PTDSS1: variants seen among roughly 807,000 people sequenced by gnomAD.
PTDSS1 encodes the protein PSS-1.
In PTDSS1, 45 loss-of-function variants were observed where a neutral mutation model predicts 70.5. The ratio of observed to expected loss-of-function variants is 0.64; its 90% confidence interval spans 0.50 to 0.82. The LOEUF (loss-of-function observed/expected upper bound fraction) is 0.82. Among genes scored for constraint, PTDSS1 ranks in the 40% least tolerant of loss-of-function variants. PTDSS1 has a pLI of 0.00. For missense variants in PTDSS1, 417 were observed against 586.1 expected (o/e 0.71, Z 2.98); for synonymous variants, 188 against 203.8 (o/e 0.92, Z 0.66).
At position 96,320,242 on chromosome 8, in the gene PTDSS1, T is replaced by G; in HGVS notation, c.1074-4T>G. On this transcript the variant is annotated splice_region_variant and splice_polypyrimidine_tract_variant and intron_variant, in intron 9 of 12. Transcript: ENST00000517309. ...TACTTAACCTCTGTTCTCTGTCTAA[T>G]TAGGGTCATTGGTTTCCTGGAGGCC... 1 of 1,592,244 alleles carries G rather than the reference T, an allele frequency of 6.3e-7. No individual in the cohort carries two copies. The highest frequency in any genetic ancestry group is 1.3e-5 in the African/African-American group (1 of 74,538).
At chr8:96,325,308 T>A (rs1811423611) in intron 10 of PTDSS1, among the ~76,000 whole-genome samples, 1 of 152,186 alleles carries the variant, frequency 6.6e-6, no homozygotes, top group Admixed American at 6.5e-5. Context: ...TGAGTTCAGA[T>A]GGCAATTAGA....
intron 10 of PTDSS1, among the ~76,000 whole-genome samples, chr8:96,322,668 C>T (rs948568146): frequency 6.6e-6 from 1 of 152,160 alleles, no homozygotes; most frequent in Non-Finnish European, 1.5e-5. Flanking sequence ...GCATTCCACC[C>T]CTGACCCCCG....
intron 4 of PTDSS1, among the ~76,000 whole-genome samples, chr8:96,287,839 C>T (rs1810845963): frequency 6.6e-6 from 1 of 152,170 alleles, no homozygotes; most frequent in African/African-American, 2.4e-5. Flanking sequence ...AACTATTTTT[C>T]TCTTCACTGA....
intron 9 of PTDSS1, among the ~76,000 whole-genome samples, chr8:96,311,669 A>T (rs1586203220): frequency 6.6e-6 from 1 of 152,110 alleles, no homozygotes; most frequent in Non-Finnish European, 1.5e-5. Flanking sequence ...GGCCATTGTC[A>T]TTTGTTTCTC....
At chr8:96,310,353 C>T (rs1014286672) in intron 9 of PTDSS1, among the ~76,000 whole-genome samples, 35 of 151,544 alleles carry the variant, frequency 2.3e-4, no homozygotes, top group African/African-American at 7.5e-4. Context: ...TCAGTAGAGA[C>T]GGGGTTTCAC....
chr8:96,283,462 T>A (rs1446410315), intron 2 of PTDSS1: 1 of 152,258 alleles, frequency 6.6e-6, no homozygotes, highest in East Asian at 1.9e-4. Flanking sequence ...AGGGAAAGTT[T>A]TGTCCTATGA....
In PTDSS1 at chr8:96,304,173, A is replaced by T; in HGVS notation, c.886A>T (p.Ile296Phe). The T allele has an allele frequency of 6.3e-7, 1 of 1,599,956 alleles. No individual in the cohort carries two copies. Among genetic ancestry groups the T allele is most frequent in the Non-Finnish European group, 8.5e-7 (1 of 1,176,662 alleles). Reference sequence around the variant, plus strand: ...AGCTGGAGTGTACCTTTTCATGATCATCTGGCAGGTATTTTTTCAGATGCC... The same window carrying T: ...AGCTGGAGTGTACCTTTTCATGATCTTCTGGCAGGTATTTTTTCAGATGCC... ...RVAGVYLFMI[I>F]WQLTELNTFF... is the part of the protein sequence containing the mutation. The change falls in exon 7 of 13, where the codon ATC becomes TTC. Residue 296 changes from isoleucine (I) to phenylalanine (F), a missense_variant. Ile to Phe is a conservative substitution (Grantham distance 21). Transcript: ENST00000517309.
chr8:96,282,480 A>G (rs1586187726), intron 2 of PTDSS1, among the ~76,000 whole-genome samples: 1 of 152,208 alleles, frequency 6.6e-6, no homozygotes, highest in East Asian at 1.9e-4. Flanking sequence ...TGAATTTTCA[A>G]TAAACCCCTA....
chr8:96,307,874 A>G (rs950289094), intron 8 of PTDSS1, among the ~76,000 whole-genome samples: 2 of 152,240 alleles, frequency 1.3e-5, no homozygotes, highest in Non-Finnish European at 2.9e-5. Context: ...TAAAAACTAG[A>G]CACTAAAAAT....
intron 9 of PTDSS1, among the ~76,000 whole-genome samples, chr8:96,314,814 T>C (rs1300815783): frequency 1.3e-5 from 2 of 152,138 alleles, no homozygotes; most frequent in African/African-American, 2.4e-5. Flanking sequence ...GCCAGGATGG[T>C]CTCGATCTCC....
At chr8:96,267,788 C>CACACCCA (rs372982716) in intron 1 of PTDSS1, among the ~76,000 whole-genome samples, 31 of 152,254 alleles carry the variant, frequency 2.0e-4, no homozygotes, top group Admixed American at 3.3e-4. Context: ...CCATACACAG[C>CACACCCA]ACACCCAACA....
At chr8:96,332,462 C>T (rs753431581) in intron 12 of PTDSS1, among the ~76,000 whole-genome samples, 10 of 152,220 alleles carry the variant, frequency 6.6e-5, no homozygotes, top group African/African-American at 2.4e-4. Context: ...GAGACACTAA[C>T]ATACACTCTG....
intron 11 of PTDSS1, 174 bp downstream of exon 11, chr8:96,330,455 C>G (rs1184741981): frequency 1.6e-6 from 1 of 633,176 alleles, no homozygotes; most frequent in Non-Finnish European, 2.8e-6. Flanking sequence ...CCATTGCTGG[C>G]CCTGCTTGTG....
At chr8:96,317,590 C>G (rs1211956499) in intron 9 of PTDSS1, among the ~76,000 whole-genome samples, 4 of 151,936 alleles carry the variant, frequency 2.6e-5, no homozygotes, top group Non-Finnish European at 4.4e-5. Flanking sequence ...CAAAAATTAG[C>G]TGGGCGTAGT....
At position 96,262,378 on chromosome 8, in the gene PTDSS1, G is replaced by C. The variant is rs561082561; in HGVS notation, c.179+159G>C. Among the ~76,000 whole-genome samples, 18 of 152,202 alleles carry C rather than the reference G, an allele frequency of 1.2e-4. No individual in the cohort carries two copies. Among genetic ancestry groups the C allele is most frequent in the African/African-American group, 4.1e-4 (17 of 41,538 alleles). On this transcript the variant is annotated intron_variant, in intron 1 of 12. Coordinates refer to ENST00000517309, the MANE Select transcript of PTDSS1 (RefSeq NM_014754.3). The surrounding 1 kb of genome is among the most constrained non-coding windows in gnomAD (Gnocchi z 4.4). Reference sequence around the variant, plus strand: ...AGCCCGCCGCCCACGCGGCCCCTCCGCCCGCCCGGTGTCTCACAGTACGCT... The same window carrying C: ...AGCCCGCCGCCCACGCGGCCCCTCCCCCCGCCCGGTGTCTCACAGTACGCT...
At chr8:96,264,432 G>A (rs1022855527) in intron 1 of PTDSS1, among the ~76,000 whole-genome samples, 2 of 152,176 alleles carry the variant, frequency 1.3e-5, no homozygotes, top group African/African-American at 2.4e-5. Context: ...CGAGGATGTA[G>A]TATGCTCTGT....
intron 1 of PTDSS1, among the ~76,000 whole-genome samples, chr8:96,269,083 G>A (rs1472694883): frequency 6.6e-6 from 1 of 152,224 alleles, no homozygotes; most frequent in Non-Finnish European, 1.5e-5. Flanking sequence ...TATGTGGTCA[G>A]TGCTATGCTG....
At chr8:96,281,618 G>A (rs1047490532) in intron 2 of PTDSS1, among the ~76,000 whole-genome samples, 2 of 151,976 alleles carry the variant, frequency 1.3e-5, no homozygotes, top group African/African-American at 4.8e-5. Context: ...CTGTTGCATC[G>A]GCTCTAAACA....
chr8:96,329,639 T>C (rs1414887692), intron 10 of PTDSS1, among the ~76,000 whole-genome samples: 1 of 152,152 alleles, frequency 6.6e-6, no homozygotes, highest in African/African-American at 2.4e-5. Context: ...TTTCTCTTTG[T>C]TTTCCTATCC....
Sources: gnomAD v4.1 joint callset for allele counts (sites outside exome capture counted in the v4.1 genomes callset) on GRCh38, gnomAD v4.1.1 for gene constraint, Gnocchi (gnomAD v3.1) non-coding constraint, MANE v1.5 for transcripts, NCBI Gene and HGNC (gene_info 2026-07-23, HGNC 2026-07-21) for gene names.